The following FBXW10 variants were observed in gnomAD, a reference collection of about 807,000 sequenced individuals.
FBXW10 encodes the protein F-box and WD repeat domain containing 10.
FBXW10 carries 68 observed loss-of-function variants against 113.1 expected under a neutral mutation model. That is an observed-to-expected ratio of 0.60 (90% CI 0.49 to 0.74). The LOEUF is 0.74. FBXW10 is among the 30% of genes least tolerant of loss of function. The pLI is 0.00. For missense variants in FBXW10, 753 were observed against 1,284.5 expected (o/e 0.59, Z 6.32); for synonymous variants, 289 against 481.6 (o/e 0.60, Z 5.24).
At chr17:18,755,294 C>T (rs1407329231) in intron 5 of FBXW10, among the ~76,000 whole-genome samples, 15 of 152,074 alleles carry the variant, frequency 9.9e-5, no homozygotes, top group Admixed American at 6.6e-5. Flanking sequence ...TGGTGGCTCA[C>T]GCCTGTAATC....
intron 2 of FBXW10, among the ~76,000 whole-genome samples, chr17:18,749,495 C>G (rs930897531): frequency 3.9e-5 from 6 of 151,926 alleles, no homozygotes; most frequent in Non-Finnish European, 7.4e-5. Flanking sequence ...TGCAGTGAGC[C>G]GAGATCGCGC....
chr17:18,768,695 C>T lies in FBXW10; in HGVS notation c.1847+19C>T, dbSNP rs752021686. ...ATCCCAAGTAGGTGCCTGTGAAGCCCGGAGCGATGAACCTGGTGTCCTTCC... is the reference window on the plus strand; with the variant it reads ...ATCCCAAGTAGGTGCCTGTGAAGCCTGGAGCGATGAACCTGGTGTCCTTCC... On this transcript the variant is annotated intron_variant, in intron 10 of 13. Transcript: ENST00000395665. 14 of 1,613,022 alleles carry T rather than the reference C, an allele frequency of 8.7e-6. No individual in the cohort carries two copies. Among genetic ancestry groups the T allele is most frequent in the Admixed American group, 3.3e-5 (2 of 59,954 alleles).
intron 6 of FBXW10, 134 bp from the exon 7 acceptor site, chr17:18,758,171 T>A: frequency 2.1e-6 from 3 of 1,456,094 alleles, no homozygotes; most frequent in Non-Finnish European, 2.8e-6. Flanking sequence ...CCTTGCCTTC[T>A]GCTGCCTCCC....
chr17:18,765,235 A>T (rs1213596346), intron 8 of FBXW10, among the ~76,000 whole-genome samples: 1 of 152,252 alleles, frequency 6.6e-6, no homozygotes, highest in African/African-American at 2.4e-5. Context: ...GCTGCCATTT[A>T]CTGAGTACCA....
At chr17:18,755,733 G>C (rs2035248714) in intron 5 of FBXW10, among the ~76,000 whole-genome samples, 1 of 152,082 alleles carries the variant, frequency 6.6e-6, no homozygotes, top group African/African-American at 2.4e-5. Context: ...GATACCCTTT[G>C]TGAGCTGATT....
intron 7 of FBXW10, among the ~76,000 whole-genome samples, chr17:18,761,422 C>T (rs1273427652): frequency 2.0e-4 from 31 of 152,004 alleles, no homozygotes; most frequent in African/African-American, 3.9e-4. Context: ...CCCGCCACCA[C>T]GCCTGGCTAA....
intron 13 of FBXW10, among the ~76,000 whole-genome samples, chr17:18,777,004 TTC>T (rs2035712085): frequency 6.6e-6 from 1 of 151,354 alleles, no homozygotes; most frequent in Non-Finnish European, 1.5e-5. Flanking sequence ...AGGAGAAAAA[TTC>T]TCTTTTTGAG....
intron 13 of FBXW10, among the ~76,000 whole-genome samples, chr17:18,777,834 C>T (rs1336478842): frequency 4.6e-5 from 7 of 151,952 alleles, no homozygotes; most frequent in Admixed American, 2.0e-4. Flanking sequence ...TGAGCCACCG[C>T]GCCCGGCCTC....
At position 18,778,783 on chromosome 17, in the gene FBXW10, AC is replaced by A; in HGVS notation, c.2646del (p.Ser883ValfsTer13). The A allele has an allele frequency of 6.2e-7, 1 of 1,613,826 alleles. No homozygotes were observed. The highest frequency in any genetic ancestry group is 1.1e-5 in the South Asian group (1 of 91,070). Reference sequence around the variant, plus strand: ...CAATCCTCCTATAGATGTGAAACGAACCAGTATTCCCCTTGAAATCCAGAAA... The same window carrying A: ...CAATCCTCCTATAGATGTGAAACGAACAGTATTCCCCTTGAAATCCAGAAA... ...LSNPPIDVKR[T>X]SIPLEIQKLQ... On this transcript the variant is annotated frameshift_variant, in exon 14 of 14. Coordinates refer to ENST00000395665, the MANE Select transcript of FBXW10 (RefSeq NM_001267585.2). LOFTEE classifies it high-confidence loss of function.
chr17:18,748,555 T>A (rs1299262675), intron 2 of FBXW10, among the ~76,000 whole-genome samples: 1 of 151,944 alleles, frequency 6.6e-6, no homozygotes. Context: ...ATCTACAATG[T>A]GCTGGGCTCT....
chr17:18,753,640 A>C (rs934517213), intron 5 of FBXW10, among the ~76,000 whole-genome samples: 4 of 152,174 alleles, frequency 2.6e-5, no homozygotes, highest in African/African-American at 9.7e-5. Context: ...TGGGAGGCTG[A>C]GGCAGGTGGA....
chr17:18,746,967 G>A (rs1248986173), intron 1 of FBXW10, among the ~76,000 whole-genome samples: 15 of 150,308 alleles, frequency 1.0e-4, no homozygotes, highest in Non-Finnish European at 1.8e-4. Context: ...TGTTGCCCAG[G>A]CTGGAGTGCA....
chr17:18,770,086 G>T lies in FBXW10; in HGVS notation c.2006+1G>T. On this transcript the variant is annotated splice_donor_variant, in intron 11 of 13. Transcript: ENST00000395665. LOFTEE classifies it high-confidence loss of function. ...TGTCCTTCTTTATTCAGGGCAACAG[G>T]TGGGTGGTAGGTGTGGAGGTCAGAA... is the stretch of plus-strand genomic sequence containing the variant. 6.2e-7 allele frequency: 1 copy of T among 1,614,172 alleles called. No homozygotes were observed. The highest frequency in any genetic ancestry group is 1.3e-5 in the African/African-American group (1 of 75,050).
chr17:18,768,118 ACAG>A (rs55965678), intron 9 of FBXW10, among the ~76,000 whole-genome samples: 78,489 of 149,286 alleles, frequency 0.53, 21,326 homozygotes, highest in Non-Finnish European at 0.59. Flanking sequence ...AGGCTGGAGC[ACAG>A]CAGTGGTGAG....
At chr17:18,766,422 G>A (rs1385952100) in intron 8 of FBXW10, among the ~76,000 whole-genome samples, 1 of 151,994 alleles carries the variant, frequency 6.6e-6, no homozygotes, top group Admixed American at 6.6e-5. Flanking sequence ...GATTAGAGAT[G>A]AGCTGTCTAG....
At chr17:18,763,998 C>T (rs545016225) in intron 7 of FBXW10, among the ~76,000 whole-genome samples, 5 of 146,096 alleles carry the variant, frequency 3.4e-5, no homozygotes, top group African/African-American at 1.3e-4. Flanking sequence ...ACTGTGGGGC[C>T]TGCCCTGTGC....
At chr17:18,751,256 C>T (rs1383609247) in intron 5 of FBXW10, among the ~76,000 whole-genome samples, 1 of 149,480 alleles carries the variant, frequency 6.7e-6, no homozygotes, top group African/African-American at 2.5e-5. Flanking sequence ...GATGGAGTCT[C>T]GCTATGTCAC....
In FBXW10 at chr17:18,744,976, A is replaced by G. The variant is rs1339291760; in HGVS notation, c.505+227A>G. ...CTTGAAAATGATCAATGCAGGAGGA[A>G]GTACACAACTTTTAACTCACAAGCA... On this transcript the variant is annotated intron_variant, in intron 1 of 13. Transcript: ENST00000395665. 2.1e-6 allele frequency: 3 copies of G among 1,419,876 alleles called. No homozygotes were observed. In the African/African-American group the frequency reaches 4.3e-5, roughly 20 times the overall value. 88.0% of individuals were successfully genotyped at this position (1,419,876 alleles called of 1,614,324 possible). A position where few individuals can be genotyped will look rare whatever the true frequency, so the allele number is the denominator to read the frequency against.
At chr17:18,755,247 G>T (rs1461122249) in intron 5 of FBXW10, among the ~76,000 whole-genome samples, 1 of 148,674 alleles carries the variant, frequency 6.7e-6, no homozygotes, top group Non-Finnish European at 1.5e-5. Context: ...TGGGTGAGAA[G>T]AGTGAAACTC....
Sources: gnomAD v4.1 joint callset for allele counts (sites outside exome capture counted in the v4.1 genomes callset) on GRCh38, gnomAD v4.1.1 for gene constraint, MANE v1.5 for transcripts, NCBI Gene and HGNC (gene_info 2026-07-23, HGNC 2026-07-21) for gene names.